The following NUP37 variants were observed in gnomAD, a reference collection of about 807,000 sequenced individuals.
NUP37 encodes the protein nucleoporin Nup37.
Under a neutral mutation model 45.4 loss-of-function variants are expected in NUP37, and 33 were observed. The ratio of observed to expected loss-of-function variants is 0.73; its 90% CI spans 0.55 to 0.97. The LOEUF (loss-of-function observed/expected upper bound fraction) is 0.97. Among genes scored for constraint, NUP37 ranks in the 50% least tolerant of loss-of-function variants. The pLI is 0.00. For missense variants in NUP37, 365 were observed against 389.7 expected, an observed-to-expected ratio of 0.94 and a Z score of 0.53; for synonymous variants, 127 against 130.7, an observed-to-expected ratio of 0.97 and a Z score of 0.19.
At chr12:102,096,069 TTC>T (rs944157913) in intron 5 of NUP37, among the ~76,000 whole-genome samples, 8 of 152,172 alleles carry the variant, frequency 5.3e-5, no homozygotes, top group African/African-American at 1.9e-4. Flanking sequence ...TGCATTATTA[TTC>T]TCTTTGTTTT....
At position 102,120,050 on chromosome 12, in the gene NUP37, C is replaced by T. The variant is rs1226628516; in HGVS notation, c.-66G>A. 3.2e-5 allele frequency: 5 copies of T among 154,792 alleles called. No individual in the cohort carries two copies. The highest frequency in any genetic ancestry group is 7.2e-5 in the Non-Finnish European group (5 of 69,384). The allele number at this position is 154,792 out of a possible 1,614,324, so 9.6% of individuals were successfully genotyped here. On this transcript the variant is annotated splice_region_variant and 5_prime_UTR_variant, in exon 1 of 10. Transcript: ENST00000552283. ...CTCGGGCTCCCAGCTCGATACGCAC[C>T]GCAGAGCGCCAGGAACCGACCAGAG...
chr12:102,117,451 AAT>A (rs1880497181), intron 2 of NUP37, among the ~76,000 whole-genome samples: 1 of 151,512 alleles, frequency 6.6e-6, no homozygotes, highest in African/African-American at 2.4e-5. Flanking sequence ...GAAAAAAAAA[AAT>A]AAAAATAATA....
In NUP37 at chr12:102,099,191, C is replaced by A. The variant is rs778176628; in HGVS notation, c.364G>T (p.Gly122Cys). 3.1e-6 allele frequency: 5 copies of A among 1,607,798 alleles called. No homozygotes were observed. The highest frequency in any genetic ancestry group is 3.4e-6 in the Non-Finnish European group (4 of 1,174,706). The stretch of plus-strand genomic sequence containing the variant: ...AAACCATTAATGAAATCGGTATGGC[C>A]CTCTAAAACCTGACAGAAAGAGAAA... ...QDKNEYKVLE[G>C]HTDFINGLVF... Residue 122 changes from glycine (G) to cysteine (C), a missense_variant, in exon 5 of 10, where the codon GGC (glycine) becomes TGC (cysteine). Coordinates refer to ENST00000552283, the MANE Select transcript of NUP37 (RefSeq NM_024057.4).
intron 5 of NUP37, 31 bp downstream of exon 5, chr12:102,099,075 T>G (rs1364481406): frequency 7.2e-7 from 1 of 1,394,048 alleles, no homozygotes; most frequent in East Asian, 2.3e-5. Flanking sequence ...AATGGCAATT[T>G]AAAAATGTGG....
intron 2 of NUP37, among the ~76,000 whole-genome samples, chr12:102,114,511 G>C (rs1226088268): frequency 6.6e-6 from 1 of 152,172 alleles, no homozygotes; most frequent in East Asian, 1.9e-4. Context: ...AAGCAGAATT[G>C]TATAGGCAGG....
rs141481425 is a variant in NUP37 at position 102,104,857 on chromosome 12, C to T, written c.282-3753G>A. 5.9e-3 allele frequency among the ~76,000 whole-genome samples: 904 copies of T among 152,194 alleles called. 11 individuals carry two copies. Among genetic ancestry groups the T allele is most frequent in the African/African-American group, 0.02 (843 of 41,500 alleles). ...CTGTTTTGATTACTGTATAGCATTG[C>T]GATACGATTTGAAATAAAGAAGTGT... On this transcript the variant is annotated intron_variant, in intron 3 of 9. Transcript: ENST00000552283.
intron 3 of NUP37, 121 bp from the exon 4 acceptor site, chr12:102,101,225 T>C (rs1173580520): frequency 1.9e-6 from 1 of 522,714 alleles, no homozygotes; most frequent in Non-Finnish European, 3.4e-6. Context: ...AATCATGCTT[T>C]TTATGGAGGG....
intron 5 of NUP37, among the ~76,000 whole-genome samples, chr12:102,086,646 G>A (rs1034546079): frequency 1.3e-5 from 2 of 152,164 alleles, no homozygotes; most frequent in African/African-American, 4.8e-5. Flanking sequence ...GCACCATGTC[G>A]TGAGAATGCT....
intron 5 of NUP37, among the ~76,000 whole-genome samples, chr12:102,092,857 G>T (rs989360799): frequency 6.6e-6 from 1 of 152,132 alleles, no homozygotes; most frequent in Non-Finnish European, 1.5e-5. Flanking sequence ...TAGCAGGATA[G>T]TTGGAAGAAT....
intron 8 of NUP37, 33 bp downstream of exon 8, chr12:102,076,763 TC>T: frequency 6.3e-7 from 1 of 1,598,374 alleles, no homozygotes; most frequent in Non-Finnish European, 8.6e-7. Flanking sequence ...CGTCAAAAGA[TC>T]AAATCACAGC....
intron 2 of NUP37, among the ~76,000 whole-genome samples, chr12:102,116,585 G>GAAACTTTCAATTCACACTT (rs1368381230): frequency 6.6e-6 from 1 of 152,192 alleles, no homozygotes; most frequent in African/African-American, 2.4e-5. Context: ...TACTCAGACA[G>GAAACTTTCAATTCACACTT]CAACAAACTG....
chr12:102,100,084 C>T (rs1190373220), intron 4 of NUP37, among the ~76,000 whole-genome samples: 1 of 152,074 alleles, frequency 6.6e-6, no homozygotes, highest in Admixed American at 6.5e-5. Flanking sequence ...TCACAGTCTA[C>T]AAGACAAACT....
At chr12:102,113,953 T>C (rs748638941) in intron 2 of NUP37, among the ~76,000 whole-genome samples, 26 of 152,336 alleles carry the variant, frequency 1.7e-4, no homozygotes, top group Non-Finnish European at 3.5e-4. Context: ...TCAGATACCC[T>C]TTGAAAATAA....
intron 3 of NUP37, among the ~76,000 whole-genome samples, chr12:102,104,880 T>C (rs750915006): frequency 6.6e-6 from 1 of 152,242 alleles, no homozygotes; most frequent in Non-Finnish European, 1.5e-5. Context: ...AATAAAGAAG[T>C]GTGAGAACTT....
rs77242280 is a variant in NUP37, at chr12:102,077,799, T to C, written c.541-296A>G. ...TCAGGTCATGTGTATAAGGTATACA[T>C]GAAACATAAATGAATTTCATGTTTA... On this transcript the variant is annotated intron_variant, in intron 6 of 9. Transcript: ENST00000552283. Among the ~76,000 whole-genome samples, 304 of 152,318 alleles carry C rather than the reference T, an allele frequency of 2.0e-3. 1 individual carries two copies. Among genetic ancestry groups the C allele is most frequent in the African/African-American group, 6.9e-3 (288 of 41,570 alleles).
At chr12:102,079,427 A>G (rs1294192134) in intron 6 of NUP37, among the ~76,000 whole-genome samples, 2 of 152,214 alleles carry the variant, frequency 1.3e-5, no homozygotes, top group Non-Finnish European at 2.9e-5. Flanking sequence ...GTTATTATAA[A>G]GTTGCTGCAA....
At chr12:102,074,829 A>G in intron 9 of NUP37, 172 bp downstream of exon 9, 1 of 467,370 alleles carries the variant, frequency 2.1e-6, no homozygotes, top group Non-Finnish European at 3.7e-6. Flanking sequence ...ATCAAAAAAA[A>G]ACCACACAAA....
intron 3 of NUP37, among the ~76,000 whole-genome samples, chr12:102,102,904 C>T (rs182125007): frequency 2.2e-4 from 34 of 152,206 alleles, no homozygotes; most frequent in Non-Finnish European, 4.4e-4. Flanking sequence ...ATCGATTGAC[C>T]ATAAATGCAT....
intron 2 of NUP37, among the ~76,000 whole-genome samples, chr12:102,114,829 T>C (rs1175228316): frequency 6.6e-6 from 1 of 152,344 alleles, no homozygotes. Context: ...TTGGGAAGTT[T>C]ATTCAATTGG....
Sources: allele counts gnomAD v4.1 joint callset (sites outside exome capture counted in the v4.1 genomes callset), GRCh38; gene constraint gnomAD v4.1.1; transcripts MANE v1.5; gene names NCBI Gene and HGNC (gene_info 2026-07-23, HGNC 2026-07-21).